Variants in RSPRY1 observed in about 807,000 individuals in gnomAD.
RSPRY1 encodes the protein ring finger and SPRY domain containing 1, also known as RING finger and SPRY domain-containing protein 1.
In RSPRY1, 23 loss-of-function variants were observed where a neutral mutation model predicts 73.1. The observed-to-expected ratio is 0.31, with a 90% confidence interval of 0.23 to 0.45. The LOEUF is 0.45. Among genes scored for constraint, RSPRY1 ranks in the 20% least tolerant of loss-of-function variants. The probability of loss-of-function intolerance (pLI) is 1.00; values close to 1 mark genes in which losing one functional copy is unlikely to be tolerated. For synonymous variants in RSPRY1, 226 were observed against 251.4 expected, an observed-to-expected ratio of 0.90 and a Z score of 0.95; for missense variants, 448 against 698.7, an observed-to-expected ratio of 0.64 and a Z score of 4.05.
At chr16:57,192,355 C>A (rs372622407) in intron 1 of RSPRY1, among the ~76,000 whole-genome samples, 1 of 152,164 alleles carries the variant, frequency 6.6e-6, no homozygotes. Flanking sequence ...ACAAGTACTA[C>A]GGAATATTAC....
chr16:57,218,804 C>T (rs1189157848), intron 8 of RSPRY1, among the ~76,000 whole-genome samples: 5 of 106,226 alleles, frequency 4.7e-5, no homozygotes, highest in East Asian at 3.8e-4. Flanking sequence ...GGCGGGATCT[C>T]GGCTCACTGC....
intron 11 of RSPRY1, among the ~76,000 whole-genome samples, chr16:57,229,865 C>A (rs1407380235): frequency 2.7e-5 from 4 of 150,198 alleles, no homozygotes; most frequent in Non-Finnish European, 5.9e-5. Context: ...GCCATTAACA[C>A]CCGGGTAATT....
chr16:57,224,931 A>C (rs534956777), intron 10 of RSPRY1, among the ~76,000 whole-genome samples: 44 of 152,390 alleles, frequency 2.9e-4, no homozygotes, highest in African/African-American at 9.4e-4. Context: ...TGAAGATAGA[A>C]AAGAATTGCT....
chr16:57,186,256 G>C (rs1409940692), upstream of RSPRY1: 2 of 847,438 alleles, frequency 2.4e-6, no homozygotes, highest in Non-Finnish European at 2.8e-6. Flanking sequence ...GTCAAGGAGA[G>C]GGCTTGCCAC....
intron 6 of RSPRY1, among the ~76,000 whole-genome samples, 174 bp downstream of exon 6, chr16:57,214,120 A>C (rs1253525511): frequency 2.0e-5 from 3 of 152,216 alleles, no homozygotes; most frequent in Non-Finnish European, 4.4e-5. Context: ...ATGTTTAAAA[A>C]AGAGAGTGGG....
chr16:57,193,787 C>T (rs575129883), intron 1 of RSPRY1, among the ~76,000 whole-genome samples: 10 of 151,948 alleles, frequency 6.6e-5, no homozygotes, highest in East Asian at 5.8e-4. Flanking sequence ...ACATTTCAGC[C>T]GGGTGCGGTG....
chr16:57,200,916 C>T (rs1450576237), intron 1 of RSPRY1, among the ~76,000 whole-genome samples: 7 of 113,152 alleles, frequency 6.2e-5, no homozygotes, highest in Admixed American at 4.8e-4. Context: ...CAGGCAGAGG[C>T]GCCCCTCACC....
chr16:57,209,658 C>T (rs1288772326), intron 4 of RSPRY1, among the ~76,000 whole-genome samples: 1 of 152,064 alleles, frequency 6.6e-6, no homozygotes, highest in Non-Finnish European at 1.5e-5. Context: ...TGAGCCACTG[C>T]ACCCAGCCCT....
At chr16:57,223,941 C>G (rs1449048163) in intron 10 of RSPRY1, among the ~76,000 whole-genome samples, 1 of 152,188 alleles carries the variant, frequency 6.6e-6, no homozygotes. Flanking sequence ...TAAGAAACTT[C>G]CCCAAAGCCA....
At chr16:57,190,513 G>C (rs534021327) in intron 1 of RSPRY1, among the ~76,000 whole-genome samples, 1 of 152,106 alleles carries the variant, frequency 6.6e-6, no homozygotes, top group Non-Finnish European at 1.5e-5. Context: ...AATTATTTGG[G>C]GATAATAAAC....
intron 1 of RSPRY1, among the ~76,000 whole-genome samples, chr16:57,196,029 A>AT (rs1347691828): frequency 6.2e-4 from 49 of 79,306 alleles, no homozygotes; most frequent in Non-Finnish European, 1.1e-3. Context: ...TCAAAAAAAA[A>AT]AAAAAATATA....
At chr16:57,202,545 G>A (rs2074638471) in intron 1 of RSPRY1, among the ~76,000 whole-genome samples, 1 of 152,090 alleles carries the variant, frequency 6.6e-6, no homozygotes, top group Admixed American at 6.5e-5. Context: ...CACAGTAATG[G>A]CAATGTTGTT....
At chr16:57,202,906 A>ATATATATATC (rs1230196481) in intron 1 of RSPRY1, among the ~76,000 whole-genome samples, 1 of 144,090 alleles carries the variant, frequency 6.9e-6, no homozygotes, top group African/African-American at 2.6e-5. Flanking sequence ...ATATATATAT[A>ATATATATATC]TCTGAAGACT....
intron 4 of RSPRY1, 99 bp downstream of exon 4, chr16:57,209,286 C>T: frequency 1.3e-6 from 1 of 764,996 alleles, no homozygotes; most frequent in Non-Finnish European, 2.2e-6. Context: ...CATCTTTATA[C>T]ATTTGGGGTC....
At chr16:57,208,439 C>T (rs2146265506) in intron 3 of RSPRY1, among the ~76,000 whole-genome samples, 1 of 130,786 alleles carries the variant, frequency 7.6e-6, no homozygotes, top group Non-Finnish European at 1.6e-5. Flanking sequence ...ACTCTGTTGC[C>T]CAGGCTGGAG....
At chr16:57,232,955 C>G (rs1463180066) in intron 13 of RSPRY1, among the ~76,000 whole-genome samples, 3 of 152,208 alleles carry the variant, frequency 2.0e-5, no homozygotes, top group Non-Finnish European at 4.4e-5. Flanking sequence ...CTCCTTCTTG[C>G]ACCTTGCTGC....
At chr16:57,212,672 T>C (rs1230797664) in intron 4 of RSPRY1, among the ~76,000 whole-genome samples, 1 of 152,094 alleles carries the variant, frequency 6.6e-6, no homozygotes, top group Non-Finnish European at 1.5e-5. Flanking sequence ...TGGAGTGCAG[T>C]GGCACGATCT....
chr16:57,196,471 A>G (rs1369736624), intron 1 of RSPRY1, among the ~76,000 whole-genome samples: 1 of 152,186 alleles, frequency 6.6e-6, no homozygotes, highest in Admixed American at 6.5e-5. Context: ...TGTGGCTGCC[A>G]TCAGAGTCAC....
chr16:57,228,716 G>A (rs1392838205), intron 11 of RSPRY1, among the ~76,000 whole-genome samples: 1 of 151,908 alleles, frequency 6.6e-6, no homozygotes, highest in Non-Finnish European at 1.5e-5. Context: ...TTTGAGACAG[G>A]GTCTCATCTA....
Sources: gnomAD v4.1 joint callset for allele counts (sites outside exome capture counted in the v4.1 genomes callset) on GRCh38, gnomAD v4.1.1 for gene constraint, MANE v1.5 for transcripts, NCBI Gene and HGNC (gene_info 2026-07-23, HGNC 2026-07-21) for gene names.